Variants in RAB31 observed in about 807,000 individuals in gnomAD.
RAB31 encodes ras-related protein Rab-31.
RAB31 carries 21 observed loss-of-function variants against 25.6 expected under a neutral mutation model. The ratio of observed to expected loss-of-function variants is 0.82; its 90% confidence interval spans 0.58 to 1.18. The LOEUF (loss-of-function observed/expected upper bound fraction) is 1.18. RAB31 is among the 50% of genes most tolerant of loss of function. The pLI is 0.00. For synonymous variants in RAB31, 87 were observed against 84.0 expected (o/e 1.04, Z -0.20); for missense variants, 196 against 250.1 (o/e 0.78, Z 1.46).
chr18:9,771,120 A>C (rs1381595543), intron 1 of RAB31, among the ~76,000 whole-genome samples: 5 of 152,156 alleles, frequency 3.3e-5, no homozygotes, highest in Admixed American at 3.3e-4. Flanking sequence ...GCAGTGAGCT[A>C]TGATTGCACC....
intron 3 of RAB31, among the ~76,000 whole-genome samples, chr18:9,803,240 C>CTTTCTT (rs536517360): frequency 2.1e-5 from 3 of 141,654 alleles, no homozygotes; most frequent in African/African-American, 7.9e-5. Flanking sequence ...TTTTTCCTTT[C>CTTTCTT]TTTTTTTTTT....
At chr18:9,727,475 T>C (rs532555713) in intron 1 of RAB31, among the ~76,000 whole-genome samples, 1 of 152,104 alleles carries the variant, frequency 6.6e-6, no homozygotes, top group South Asian at 2.1e-4. Context: ...CCAGCACACT[T>C]GGCTAATTTT....
chr18:9,808,817 T>C (rs1041776776), intron 3 of RAB31, among the ~76,000 whole-genome samples: 27 of 152,348 alleles, frequency 1.8e-4, no homozygotes, highest in African/African-American at 6.3e-4. Context: ...GCATTCTGGC[T>C]TGGATAATTC....
At chr18:9,739,218 T>C (rs755840739) in intron 1 of RAB31, among the ~76,000 whole-genome samples, 1 of 152,222 alleles carries the variant, frequency 6.6e-6, no homozygotes, top group Non-Finnish European at 1.5e-5. Flanking sequence ...CTTACGCCCG[T>C]AATCCCAGCA....
intron 6 of RAB31, among the ~76,000 whole-genome samples, chr18:9,853,322 A>C (rs1379937647): frequency 2.0e-5 from 3 of 152,224 alleles, no homozygotes; most frequent in African/African-American, 7.2e-5. Flanking sequence ...TTAAAGGGAT[A>C]CATCCATATA....
chr18:9,860,201 T>A lies in RAB31; in HGVS notation c.*876T>A, dbSNP rs1463837525. On this transcript the variant is annotated 3_prime_UTR_variant, in exon 7 of 7. Transcript: ENST00000578921. Reference sequence around the variant, plus strand: ...TTTACTAAGAGAATATCTCTTGGTGTCATATCTAGGGGAAGAGAATTAACT... The same window carrying A: ...TTTACTAAGAGAATATCTCTTGGTGACATATCTAGGGGAAGAGAATTAACT... The A allele has an allele frequency of 6.6e-6, 1 of 152,222 alleles. No homozygotes were observed. Among genetic ancestry groups the A allele is most frequent in the Non-Finnish European group, 1.5e-5 (1 of 68,036 alleles). The allele number at this position is 152,222 out of a possible 1,614,324, so 9.4% of individuals were successfully genotyped here.
chr18:9,799,996 C>T (rs776732185), intron 3 of RAB31, among the ~76,000 whole-genome samples: 6 of 152,166 alleles, frequency 3.9e-5, no homozygotes, highest in Non-Finnish European at 8.8e-5. Flanking sequence ...TTCTGCTTCA[C>T]ACCAAGCTGT....
At chr18:9,758,773 G>A (rs980418261) in intron 1 of RAB31, among the ~76,000 whole-genome samples, 2 of 152,046 alleles carry the variant, frequency 1.3e-5, no homozygotes, top group African/African-American at 4.8e-5. Flanking sequence ...AGCTGTGTGC[G>A]AGTGTGGCAT....
intron 5 of RAB31, among the ~76,000 whole-genome samples, chr18:9,832,587 G>T (rs560752638): frequency 6.6e-6 from 1 of 152,210 alleles, no homozygotes; most frequent in South Asian, 2.1e-4. Flanking sequence ...AACGGGCCGC[G>T]AATGTCGGAG....
chr18:9,788,529 C>A (rs1383875777), intron 2 of RAB31, among the ~76,000 whole-genome samples: 1 of 152,242 alleles, frequency 6.6e-6, no homozygotes, highest in Non-Finnish European at 1.5e-5. Context: ...AACTGCCATA[C>A]AATCCAGCAG....
intron 5 of RAB31, among the ~76,000 whole-genome samples, chr18:9,826,171 G>T (rs146506545): frequency 0.032 from 4,777 of 151,032 alleles, 93 homozygotes; most frequent in Middle Eastern, 0.058. Flanking sequence ...GAGGTTGGGA[G>T]TTCAAGACCA....
intron 3 of RAB31, among the ~76,000 whole-genome samples, chr18:9,799,083 C>T (rs2068501169): frequency 6.7e-6 from 1 of 150,158 alleles, no homozygotes; most frequent in South Asian, 2.1e-4. Context: ...GACTCCACCT[C>T]AAAAAAAAAA....
intron 6 of RAB31, among the ~76,000 whole-genome samples, chr18:9,848,478 C>G (rs1237491695): frequency 6.6e-6 from 1 of 152,238 alleles, no homozygotes; most frequent in African/African-American, 2.4e-5. Flanking sequence ...TCTTTTGCCT[C>G]TTTTCTCCTT....
chr18:9,775,275 T>C lies in RAB31; in HGVS notation c.40-3T>C. 1 of 1,613,852 alleles carries C rather than the reference T, an allele frequency of 6.2e-7. No homozygotes were observed. Among genetic ancestry groups the C allele is most frequent in the Non-Finnish European group, 8.5e-7 (1 of 1,179,780 alleles). On this transcript the variant is annotated splice_region_variant and splice_polypyrimidine_tract_variant and intron_variant, in intron 1 of 6. Transcript: ENST00000578921. ...TCACGGTTGTATCCTCATTCTTTCC[T>C]AGGACACTGGGGTTGGGAAATCAAG...
At chr18:9,820,639 A>G (rs2068620195) in intron 5 of RAB31, among the ~76,000 whole-genome samples, 1 of 151,996 alleles carries the variant, frequency 6.6e-6, no homozygotes, top group South Asian at 2.1e-4. Context: ...TTTAAGTGTT[A>G]TCTAATTTGC....
chr18:9,847,800 C>G (rs184787266), intron 6 of RAB31, among the ~76,000 whole-genome samples: 56 of 152,286 alleles, frequency 3.7e-4, no homozygotes, highest in African/African-American at 1.3e-3. Flanking sequence ...TCTCAATCTC[C>G]TGAGCTCAAG....
At chr18:9,772,612 T>C (rs892727436) in intron 1 of RAB31, among the ~76,000 whole-genome samples, 1 of 152,218 alleles carries the variant, frequency 6.6e-6, no homozygotes, top group Non-Finnish European at 1.5e-5. Flanking sequence ...AATGAACGAT[T>C]GAATGGAATA....
At chr18:9,827,341 A>G (rs1180414745) in intron 5 of RAB31, among the ~76,000 whole-genome samples, 1 of 152,014 alleles carries the variant, frequency 6.6e-6, no homozygotes, top group Non-Finnish European at 1.5e-5. Context: ...TTTATCTTAC[A>G]AGTGGTAGCA....
At chr18:9,752,703 A>G (rs1410725332) in intron 1 of RAB31, among the ~76,000 whole-genome samples, 3 of 152,226 alleles carry the variant, frequency 2.0e-5, no homozygotes, top group African/African-American at 4.8e-5. Flanking sequence ...TATATATTCT[A>G]TGATACTTTA....
Sources: gnomAD v4.1 joint callset for allele counts (sites outside exome capture counted in the v4.1 genomes callset) on GRCh38, gnomAD v4.1.1 for gene constraint, MANE v1.5 for transcripts, NCBI Gene and HGNC (gene_info 2026-07-23, HGNC 2026-07-21) for gene names.